SGCZ: variants seen among roughly 807,000 people sequenced by gnomAD.
SGCZ encodes the protein zeta-sarcoglycan.
Under a neutral mutation model 41.3 loss-of-function variants are expected in SGCZ, and 40 were observed. That is an observed-to-expected ratio of 0.97 (90% CI 0.75 to 1.26). The LOEUF (loss-of-function observed/expected upper bound fraction) is 1.26. SGCZ is among the 50% of genes most tolerant of loss of function. The pLI is 0.00. For synonymous variants in SGCZ, 206 were observed against 137.5 expected, an observed-to-expected ratio of 1.50 and a Z score of -3.49; for missense variants, 552 against 369.8, an observed-to-expected ratio of 1.49 and a Z score of -4.04.
intron 3 of SGCZ, among the ~76,000 whole-genome samples, chr8:14,303,118 A>G (rs1379624462): frequency 1.3e-5 from 2 of 152,188 alleles, no homozygotes; most frequent in African/African-American, 2.4e-5. Flanking sequence ...TTGGTGAAAT[A>G]AAATGTCATA....
At chr8:14,193,445 G>T (rs1436309314) in intron 4 of SGCZ, among the ~76,000 whole-genome samples, 4 of 151,510 alleles carry the variant, frequency 2.6e-5, no homozygotes, top group African/African-American at 7.3e-5. Context: ...CATTAAAATG[G>T]TTTAATCATA....
intron 3 of SGCZ, among the ~76,000 whole-genome samples, chr8:14,244,176 C>A (rs1257739483): frequency 5.3e-5 from 8 of 150,434 alleles, no homozygotes; most frequent in African/African-American, 1.7e-4. Flanking sequence ...TCCTCCTCCT[C>A]TTCCTTCTTC....
chr8:14,927,104 T>C (rs1262989574), intron 1 of SGCZ, among the ~76,000 whole-genome samples: 2 of 12,542 alleles, frequency 1.6e-4, no homozygotes, highest in East Asian at 0.011. Context: ...TCCTGATTCT[T>C]TTTTTTTTTT....
intron 1 of SGCZ, among the ~76,000 whole-genome samples, chr8:14,697,201 A>G (rs1006833948): frequency 4.6e-5 from 7 of 152,028 alleles, no homozygotes; most frequent in Admixed American, 2.0e-4. Flanking sequence ...CCAGGTCACT[A>G]TAGAATTTGG....
At chr8:14,775,164 A>G (rs1001715679) in intron 1 of SGCZ, among the ~76,000 whole-genome samples, 1 of 152,164 alleles carries the variant, frequency 6.6e-6, no homozygotes, top group South Asian at 2.1e-4. Context: ...CAAACATTAC[A>G]TTACTGTGTA....
At chr8:15,024,935 C>CAAATAAATAAATAAATAAATAAAT (rs71209100) in intron 1 of SGCZ, among the ~76,000 whole-genome samples, 1 of 142,652 alleles carries the variant, frequency 7.0e-6, no homozygotes, top group Non-Finnish European at 1.5e-5. Flanking sequence ...GACTCCGTCT[C>CAAATAAATAAATAAATAAATAAAT]AAATAAATAA....
At chr8:14,531,200 A>G (rs1256273352) in intron 2 of SGCZ, among the ~76,000 whole-genome samples, 1 of 151,850 alleles carries the variant, frequency 6.6e-6, no homozygotes, top group Non-Finnish European at 1.5e-5. Context: ...AAGCCTATTC[A>G]TAAACCTATC....
chr8:14,167,263 G>A (rs1804239038), intron 4 of SGCZ, among the ~76,000 whole-genome samples: 1 of 152,094 alleles, frequency 6.6e-6, no homozygotes, highest in African/African-American at 2.4e-5. Context: ...AACATCACAT[G>A]TTCTCTAAGA....
intron 2 of SGCZ, among the ~76,000 whole-genome samples, chr8:14,527,460 C>G (rs553284940): frequency 6.6e-5 from 10 of 152,142 alleles, no homozygotes; most frequent in African/African-American, 2.4e-4. Flanking sequence ...GCCACCACAC[C>G]CTTGTTAATT....
intron 1 of SGCZ, among the ~76,000 whole-genome samples, chr8:15,125,745 A>G (rs1370934039): frequency 6.6e-6 from 1 of 152,208 alleles, no homozygotes; most frequent in Non-Finnish European, 1.5e-5. Context: ...CTATGTCTAC[A>G]GTATGTATAC....
At chr8:15,081,631 C>T (rs10093133) in intron 1 of SGCZ, among the ~76,000 whole-genome samples, 6,877 of 152,122 alleles carry the variant, frequency 0.045, 505 homozygotes, top group African/African-American at 0.15. Context: ...GTTTGACACA[C>T]ACAGTGACAT....
At chr8:14,093,379 C>T (rs185035884) in intron 7 of SGCZ, among the ~76,000 whole-genome samples, 47 of 152,206 alleles carry the variant, frequency 3.1e-4, no homozygotes, top group Non-Finnish European at 4.0e-4. Context: ...TGTCATCCCC[C>T]ACACTTCAAT....
At chr8:14,675,712 A>G (rs976093304) in intron 1 of SGCZ, among the ~76,000 whole-genome samples, 14 of 152,198 alleles carry the variant, frequency 9.2e-5, no homozygotes, top group African/African-American at 3.4e-4. Context: ...CTTGCCTTAA[A>G]CACCTGGAAC....
At chr8:14,515,926 T>A (rs1802606952) in intron 2 of SGCZ, among the ~76,000 whole-genome samples, 1 of 152,074 alleles carries the variant, frequency 6.6e-6, no homozygotes, top group Non-Finnish European at 1.5e-5. Flanking sequence ...ACTTTTCAAT[T>A]TGCTCCTATG....
chr8:14,097,294 GTCTTTGT>G lies in SGCZ; in HGVS notation c.744+5075_744+5081del, dbSNP rs2116967552. On this transcript the variant is annotated intron_variant, in intron 7 of 7. Coordinates refer to ENST00000382080, the MANE Select transcript of SGCZ (RefSeq NM_139167.4). ...TGTCCCAGAGATTCTGGTATGTTGT[GTCTTTGT>G]TCTCATTGGTTTCAAAGAACATCTT... 1.3e-5 allele frequency among the ~76,000 whole-genome samples: 2 copies of G among 152,252 alleles called. 1 individual carries two copies. The highest frequency in any genetic ancestry group is 4.1e-4 in the South Asian group (2 of 4,820).
At chr8:14,497,758 G>A (rs1356853504) in intron 2 of SGCZ, among the ~76,000 whole-genome samples, 1 of 152,064 alleles carries the variant, frequency 6.6e-6, no homozygotes, top group African/African-American at 2.4e-5. Flanking sequence ...CTCCCACTGG[G>A]TCCCACCACC....
At chr8:14,411,004 T>A (rs1375913232) in intron 2 of SGCZ, among the ~76,000 whole-genome samples, 1 of 152,180 alleles carries the variant, frequency 6.6e-6, no homozygotes, top group Non-Finnish European at 1.5e-5. Context: ...ATTCAGAAAG[T>A]TCTTGTGCTC....
intron 1 of SGCZ, among the ~76,000 whole-genome samples, chr8:14,950,781 T>G (rs933586038): frequency 9.2e-5 from 14 of 152,100 alleles, no homozygotes; most frequent in African/African-American, 3.1e-4. Context: ...CTAAAAAAAT[T>G]TAAATTTAAA....
At chr8:14,319,943 C>A (rs1253524247) in intron 3 of SGCZ, among the ~76,000 whole-genome samples, 1 of 151,808 alleles carries the variant, frequency 6.6e-6, no homozygotes, top group Non-Finnish European at 1.5e-5. Flanking sequence ...TTAAAAAGTT[C>A]TTGTGGTGAA....
Sources: allele counts gnomAD v4.1 joint callset (sites outside exome capture counted in the v4.1 genomes callset), GRCh38; gene constraint gnomAD v4.1.1; transcripts MANE v1.5; gene names NCBI Gene and HGNC (gene_info 2026-07-23, HGNC 2026-07-21).